CAPRIN2: variants seen among roughly 807,000 people sequenced by gnomAD.
CAPRIN2 encodes the protein caprin-2.
In CAPRIN2, 66 loss-of-function variants were observed where a neutral mutation model predicts 130.4. The ratio of observed to expected loss-of-function variants is 0.51; its 90% CI spans 0.42 to 0.62. The LOEUF is 0.62. Ranked by LOEUF, CAPRIN2 falls within the 20% of genes least tolerant of loss-of-function variation. The pLI, the probability that CAPRIN2 is intolerant of heterozygous loss-of-function variation, is 0.00. For missense variants in CAPRIN2, 1,185 were observed against 1,246.6 expected (o/e 0.95, Z 0.74); for synonymous variants, 471 against 444.1 (o/e 1.06, Z -0.76).
chr12:30,735,017 G>A, exon 4 of CAPRIN2: 5 of 1,613,996 alleles, frequency 3.1e-6, no homozygotes, highest in Non-Finnish European at 4.2e-6. Flanking sequence ...AACTTAATGA[G>A]GTAGTCAAGT....
intron 1 of CAPRIN2, chr12:30,751,394 C>G (rs750035250): frequency 2.5e-6 from 1 of 405,814 alleles, no homozygotes; most frequent in Non-Finnish European, 4.6e-6. Context: ...CTATTAATAA[C>G]TAGACTACTT....
At chr12:30,750,920 C>G (rs914366703) in intron 2 of CAPRIN2, 151 bp downstream of exon 3, 2 of 640,500 alleles carry the variant, frequency 3.1e-6, no homozygotes, top group East Asian at 5.5e-5. Flanking sequence ...CTAACAGGCA[C>G]AAACAACAAA....
intron 6 of CAPRIN2, 55 bp downstream of exon 7, chr12:30,731,288 T>G: frequency 1.4e-6 from 2 of 1,385,492 alleles, no homozygotes; most frequent in Non-Finnish European, 2.0e-6. Context: ...ACGTGACTCA[T>G]TTGGGGTATT....
rs776435461 is a variant in CAPRIN2, at chr12:30,753,470, C to G, written c.294G>C (p.Gln98His). The change falls in exon 1 of 17, where the codon CAG (glutamine) becomes CAC (histidine). Residue 98 changes from glutamine (Q) to histidine (H), a missense_variant. Around this residue, in one of 2 missense-constraint regions of CAPRIN2, gnomAD observed 1,104 missense variants for 1,104.3 expected, o/e 1.00. Transcript: ENST00000298892. ...TAGACTGCAGGGGGCTCAAGGCCCG[C>G]TGGCTTTCCCCATGCTGACTGTGGT... The G allele has an allele frequency of 6.8e-5, 110 of 1,614,070 alleles. No individual in the cohort carries two copies. In the South Asian group the frequency reaches 1.2e-3, roughly 17 times the overall value.
chr12:30,734,873 C>G (rs1164755945), intron 4 of CAPRIN2, 95 bp downstream of exon 5: 1 of 776,930 alleles, frequency 1.3e-6, no homozygotes, highest in African/African-American at 1.8e-5. Context: ...CACACACACA[C>G]ACACACACAC....
chr12:30,748,559 G>A lies in CAPRIN2; in HGVS notation c.483+2512C>T, dbSNP rs147388381. Among the ~76,000 whole-genome samples the A allele has an allele frequency of 1.4e-4, 22 of 152,310 alleles. No individual in the cohort carries two copies. The East Asian group carries it at 3.7e-3, about 25-fold the overall frequency. Reference sequence around the variant, plus strand: ...ATGCACTGGGAAACCAAAAATTTGTGTGACTTGCTTTATTGCAATCTTCAC... The same window carrying A: ...ATGCACTGGGAAACCAAAAATTTGTATGACTTGCTTTATTGCAATCTTCAC... On this transcript the variant is annotated intron_variant, in intron 2 of 16. Transcript: ENST00000298892.
At chr12:30,734,849 A>AACACACAC (rs10557103) in intron 4 of CAPRIN2, 119 bp downstream of exon 5, 112 of 626,834 alleles carry the variant, frequency 1.8e-4, no homozygotes, top group Admixed American at 8.2e-4. Context: ...CCCCCTCTCT[A>AACACACAC]ACACACACAC....
intron 3 of CAPRIN2, among the ~76,000 whole-genome samples, chr12:30,739,108 G>A (rs1239890794): frequency 1.3e-5 from 2 of 152,140 alleles, no homozygotes; most frequent in East Asian, 1.9e-4. Context: ...GCATGCATAT[G>A]TTCATTACAG....
rs779052048 is a variant in CAPRIN2, at chr12:30,710,472, T to C, written c.2666-2A>G. On this transcript the variant is annotated splice_acceptor_variant, in intron 16 of 16. Coordinates refer to ENST00000298892, the Ensembl canonical transcript of CAPRIN2. LOFTEE classifies it high-confidence loss of function. The surrounding 1 kb of genome is among the most constrained non-coding windows in gnomAD (Gnocchi z 4.8). ...CCTGAGAAGAATCACTCCACCCTGCTGTTTTATTAGCAACAGTGAGTTTCT... is the reference window on the plus strand; with the variant it reads ...CCTGAGAAGAATCACTCCACCCTGCCGTTTTATTAGCAACAGTGAGTTTCT... The C allele has an allele frequency of 2.5e-6, 4 of 1,613,920 alleles. No individual in the cohort carries two copies. In the Admixed American group the frequency reaches 6.7e-5, roughly 27 times the overall value.
At chr12:30,749,064 T>C (rs1286888903) in intron 2 of CAPRIN2, among the ~76,000 whole-genome samples, 4 of 152,116 alleles carry the variant, frequency 2.6e-5, no homozygotes, top group African/African-American at 9.7e-5. Flanking sequence ...TCACTGTGGG[T>C]ACCTTCAAAT....
chr12:30,712,912 G>T (rs567306286), intron 15 of CAPRIN2, among the ~76,000 whole-genome samples: 1 of 151,818 alleles, frequency 6.6e-6, no homozygotes, highest in East Asian at 1.9e-4. Flanking sequence ...GGCTAATTTT[G>T]ATTTTTAGTA....
At chr12:30,735,131 T>A (rs775491296) in exon 4 of CAPRIN2, 2 of 1,614,172 alleles carry the variant, frequency 1.2e-6, no homozygotes, top group African/African-American at 2.7e-5. Context: ...TGAAGTATAG[T>A]TCGAAGCTTT....
At chr12:30,740,774 T>A (rs540970587) in intron 3 of CAPRIN2, among the ~76,000 whole-genome samples, 1 of 152,222 alleles carries the variant, frequency 6.6e-6, no homozygotes, top group Non-Finnish European at 1.5e-5. Flanking sequence ...TAACATACAT[T>A]AGATAACTAA....
At chr12:30,719,358 G>T in intron 12 of CAPRIN2, 133 bp from the exon 14 acceptor site, 2 of 974,006 alleles carry the variant, frequency 2.1e-6, no homozygotes, top group Non-Finnish European at 3.1e-6. Context: ...CAAAAGAATA[G>T]CTTTTGCTTA....
chr12:30,740,946 A>G (rs2067177211), intron 3 of CAPRIN2, 74 bp downstream of exon 4: 1 of 848,196 alleles, frequency 1.2e-6, no homozygotes, highest in East Asian at 2.5e-5. Flanking sequence ...ATTACTAGAC[A>G]CTGACACACT....
At chr12:30,714,125 G>C (rs1382346161) in intron 14 of CAPRIN2, among the ~76,000 whole-genome samples, 1 of 152,168 alleles carries the variant, frequency 6.6e-6, no homozygotes, top group Non-Finnish European at 1.5e-5. Flanking sequence ...GGTGGGGTTG[G>C]GAAAGGGTGG....
chr12:30,739,030 T>G (rs2066118039), intron 3 of CAPRIN2, among the ~76,000 whole-genome samples: 1 of 152,190 alleles, frequency 6.6e-6, no homozygotes, highest in Non-Finnish European at 1.5e-5. Context: ...AACCACCATT[T>G]GACCCAACAA....
exon 1 of CAPRIN2, chr12:30,753,760 C>T (rs777800147): frequency 6.9e-6 from 11 of 1,601,968 alleles, no homozygotes; most frequent in Non-Finnish European, 9.4e-6. Context: ...ACTTGTACTT[C>T]CATCCTACTT....
intron 1 of CAPRIN2, among the ~76,000 whole-genome samples, chr12:30,751,864 AT>A (rs1425464938): frequency 6.6e-6 from 1 of 151,414 alleles, no homozygotes; most frequent in Non-Finnish European, 1.5e-5. Context: ...TGAAAAATAA[AT>A]TGCATTTGTT....
Sources: gnomAD v4.1 joint callset for allele counts (sites outside exome capture counted in the v4.1 genomes callset) on GRCh38, gnomAD v4.1.1 for gene constraint, gnomAD v4.1.1 regional missense constraint, Gnocchi (gnomAD v3.1) non-coding constraint, MANE v1.5 for transcripts, NCBI Gene and HGNC (gene_info 2026-07-23, HGNC 2026-07-21) for gene names.